CELSR1: variants seen among roughly 807,000 people sequenced by gnomAD.
CELSR1 encodes cadherin EGF LAG seven-pass G-type receptor 1.
In CELSR1, 110 loss-of-function variants were observed where a neutral mutation model predicts 249.1. That is an observed-to-expected ratio of 0.44 (90% CI 0.38 to 0.52). The LOEUF is 0.52. Ranked by LOEUF, CELSR1 falls within the 20% of genes least tolerant of loss-of-function variation. The probability of loss-of-function intolerance (pLI) is 0.00; values close to 1 mark genes in which losing one functional copy is unlikely to be tolerated. For missense variants in CELSR1, 4,109 were observed against 4,296.4 expected, an observed-to-expected ratio of 0.96 and a Z score of 1.22; for synonymous variants, 2,113 against 1,900.0, an observed-to-expected ratio of 1.11 and a Z score of -2.92.
In CELSR1 at chr22:46,396,219, C is replaced by T. The variant is rs562049161; in HGVS notation, c.5843+386G>A. 7.2e-5 allele frequency among the ~76,000 whole-genome samples: 11 copies of T among 152,124 alleles called. No homozygotes were observed. Among genetic ancestry groups the T allele is most frequent in the African/African-American group, 2.4e-4 (10 of 41,490 alleles). On this transcript the variant is annotated intron_variant, in intron 13 of 34. Coordinates refer to ENST00000674500, the MANE Select transcript of CELSR1 (RefSeq NM_001378328.1). The surrounding 1 kb of genome is among the most constrained non-coding windows in gnomAD (Gnocchi z 6.4). ...GTCAGGAGTTCGAGACCAGCCTGAC[C>T]AATATGGTGAAACTCCATTTCTACT...
chr22:46,461,046 G>A (rs767361712), intron 2 of CELSR1, among the ~76,000 whole-genome samples: 2 of 152,126 alleles, frequency 1.3e-5, no homozygotes, highest in Admixed American at 6.5e-5. Context: ...CCCCGAGCTC[G>A]GCTTACCAGG....
chr22:46,430,368 G>T lies in CELSR1; in HGVS notation c.4611+3025C>A, dbSNP rs1406399727. ...GGTAAATGGAGCGTGCTGGGGCAAG[G>T]ACACAGCTGGGCGGGGCAGGGGGGA... On this transcript the variant is annotated intron_variant, in intron 5 of 34. Transcript: ENST00000674500. The surrounding 1 kb of genome is among the most constrained non-coding windows in gnomAD (Gnocchi z 4.6). Among the ~76,000 whole-genome samples, 1 of 152,172 alleles carries T rather than the reference G, an allele frequency of 6.6e-6. No individual in the cohort carries two copies. The highest frequency in any genetic ancestry group is 1.5e-5 in the Non-Finnish European group (1 of 68,026).
At chr22:46,379,526 C>T (rs1302165418) in intron 22 of CELSR1, among the ~76,000 whole-genome samples, 6 of 152,230 alleles carry the variant, frequency 3.9e-5, no homozygotes, top group East Asian at 1.9e-4. Flanking sequence ...GACAGACAGC[C>T]GGGCCTGACG....
In CELSR1 at chr22:46,437,005, C is replaced by T. The variant is rs986057569; in HGVS notation, c.4407-716G>A. Among the ~76,000 whole-genome samples the T allele has an allele frequency of 4.6e-5, 7 of 152,142 alleles. No individual in the cohort carries two copies. The highest frequency in any genetic ancestry group is 2.1e-4 in the South Asian group (1 of 4,826). ...ATGTATGATCCATAAGGGGAGGAAC[C>T]GCAGCTCTCATTCCCTGCTGCATTC... On this transcript the variant is annotated intron_variant, in intron 3 of 34. Transcript: ENST00000674500. The surrounding 1 kb of genome is among the most constrained non-coding windows in gnomAD (Gnocchi z 4.9).
chr22:46,517,969 T>C lies in CELSR1; in HGVS notation c.3544+15658A>G, dbSNP rs1417591914. Among the ~76,000 whole-genome samples the C allele has an allele frequency of 6.6e-6, 1 of 151,800 alleles. No individual in the cohort carries two copies. The highest frequency in any genetic ancestry group is 1.9e-4 in the East Asian group (1 of 5,180). ...CCAGGCCAGAGTGCAATGGCAGGAT[T>C]TTGGCTCACTGCAACCTCTGCCTCC... On this transcript the variant is annotated intron_variant, in intron 1 of 34. Coordinates refer to ENST00000674500, the MANE Select transcript of CELSR1 (RefSeq NM_001378328.1). The surrounding 1 kb of genome is among the most constrained non-coding windows in gnomAD (Gnocchi z 5.4).
chr22:46,498,572 C>A (rs1382595096), intron 1 of CELSR1, among the ~76,000 whole-genome samples: 2 of 150,420 alleles, frequency 1.3e-5, no homozygotes, highest in African/African-American at 4.9e-5. Context: ...GAGATTGTCC[C>A]ACTCCACTGT....
chr22:46,482,349 T>C (rs2080274660), intron 1 of CELSR1, among the ~76,000 whole-genome samples: 1 of 152,034 alleles, frequency 6.6e-6, no homozygotes, highest in Admixed American at 6.6e-5. Context: ...CTGCTGGCCC[T>C]GAAGACAGAG....
At position 46,394,175 on chromosome 22, in the gene CELSR1, G is replaced by A; in HGVS notation, c.5931C>T (p.Asp1977=). 2.5e-6 allele frequency: 4 copies of A among 1,614,138 alleles called. No individual in the cohort carries two copies. The highest frequency in any genetic ancestry group is 1.1e-5 in the South Asian group (1 of 91,084). The change falls in exon 14 of 35, where the codon GAC becomes GAT. Residue 1977 remains aspartate, a synonymous_variant. Coordinates refer to ENST00000674500, the MANE Select transcript of CELSR1 (RefSeq NM_001378328.1). ...GGCACTGGCCGTTGGTCTTATTACAGTCGGGATCAAAGCCTTTGCTGACGG... is the reference window on the plus strand; with the variant it reads ...GGCACTGGCCGTTGGTCTTATTACAATCGGGATCAAAGCCTTTGCTGACGG... ...HCAVSKGFDP[D]CNKTNGQCQC...
chr22:46,490,642 G>T lies in CELSR1; in HGVS notation c.3545-26297C>A, dbSNP rs930660727. Among the ~76,000 whole-genome samples, 2 of 151,860 alleles carry T rather than the reference G, an allele frequency of 1.3e-5. No homozygotes were observed. Among genetic ancestry groups the T allele is most frequent in the African/African-American group, 4.8e-5 (2 of 41,322 alleles). On this transcript the variant is annotated intron_variant, in intron 1 of 34. Coordinates refer to ENST00000674500, the MANE Select transcript of CELSR1 (RefSeq NM_001378328.1). This position sits in a 1 kb window ranked among gnomAD's most constrained non-coding sequence, Gnocchi z 5.2. ...GTGAGCGTCGTGGAGCCTCCCTCAG[G>T]CATGGCTGTGAGCGCCACAGCTGCA...
At chr22:46,483,051 C>G (rs1207198590) in intron 1 of CELSR1, among the ~76,000 whole-genome samples, 3 of 152,186 alleles carry the variant, frequency 2.0e-5, no homozygotes, top group Non-Finnish European at 1.5e-5. Flanking sequence ...GGATCCCTAC[C>G]TCACACCAAG....
chr22:46,395,963 G>A lies in CELSR1; in HGVS notation c.5843+642C>T, dbSNP rs762589544. 3.3e-5 allele frequency among the ~76,000 whole-genome samples: 5 copies of A among 152,148 alleles called. No individual in the cohort carries two copies. The highest frequency in any genetic ancestry group is 7.3e-5 in the Non-Finnish European group (5 of 68,040). On this transcript the variant is annotated intron_variant, in intron 13 of 34. Transcript: ENST00000674500. The surrounding 1 kb of genome is among the most constrained non-coding windows in gnomAD (Gnocchi z 5.5). ...GAAATGACTTCAAGCCCAGCGACTCGACAGAGAAAGCATTCTCTGTAAACC... is the reference window on the plus strand; with the variant it reads ...GAAATGACTTCAAGCCCAGCGACTCAACAGAGAAAGCATTCTCTGTAAACC...
Position 46,534,033 on chromosome 22 carries a change from G to A in CELSR1, c.3138C>T (p.Phe1046=). The A allele has an allele frequency of 1.9e-6, 3 of 1,613,756 alleles. No individual in the cohort carries two copies. Among genetic ancestry groups the A allele is most frequent in the Non-Finnish European group, 1.7e-6 (2 of 1,180,028 alleles). ...CCCCGTTGAGCAGGTCCAGCTGGAA[G>A]AAATGCCGCATGTCCCCTTCCACAA... ...YQIVEGDMRH[F]FQLDLLNGDL... The change falls in exon 1 of 35, where the codon TTC becomes TTT. Residue 1046 remains phenylalanine, a synonymous_variant. Transcript: ENST00000674500. This position sits in a 1 kb window ranked among gnomAD's most constrained non-coding sequence, Gnocchi z 9.7.
chr22:46,442,408 C>T (rs117419998), intron 2 of CELSR1, among the ~76,000 whole-genome samples: 2,007 of 152,342 alleles, frequency 0.013, 15 homozygotes, highest in Non-Finnish European at 0.02. Context: ...GCCATCCCAG[C>T]TCTGCAGCAC....
intron 2 of CELSR1, among the ~76,000 whole-genome samples, chr22:46,443,668 C>G (rs915917874): frequency 1.3e-5 from 2 of 152,230 alleles, no homozygotes; most frequent in African/African-American, 4.8e-5. Flanking sequence ...TTCACACACA[C>G]ACACATACAT....
In CELSR1 at chr22:46,398,554, G is replaced by A. The variant is rs772486012; in HGVS notation, c.5496C>T (p.Ser1832=). ...TGCAGCCTCGGAATCCACGGCGCAC[G>A]GAGACCTTGTCTTCAGAGGCGCCTC... The part of the protein sequence containing the change: ...VVGGASEDKV[S]VRRGFRGCMQ... Residue 1832 remains serine, a synonymous_variant, in exon 11 of 35, where the codon TCC becomes TCT. Coordinates refer to ENST00000674500, the MANE Select transcript of CELSR1 (RefSeq NM_001378328.1). This position sits in a 1 kb window ranked among gnomAD's most constrained non-coding sequence, Gnocchi z 7.2. 7.0e-5 allele frequency: 113 copies of A among 1,612,324 alleles called. No homozygotes were observed. The East Asian group carries it at 1.4e-3, about 20-fold the overall frequency.
At chr22:46,523,564 T>TAAATAAATAAATAAAATAAAAA in intron 1 of CELSR1, among the ~76,000 whole-genome samples, 1 of 116,852 alleles carries the variant, frequency 8.6e-6, no homozygotes, top group African/African-American at 4.3e-5. Flanking sequence ...ATAAATAAAA[T>TAAATAAATAAATAAAATAAAAA]AAAAAGAAAG....
chr22:46,418,972 G>T (rs2079434817), intron 5 of CELSR1, among the ~76,000 whole-genome samples: 1 of 152,238 alleles, frequency 6.6e-6, no homozygotes, highest in South Asian at 2.1e-4. Context: ...TGCGTGTTCA[G>T]CACTGGACGG....
chr22:46,416,107 G>A (rs994203207), intron 5 of CELSR1, among the ~76,000 whole-genome samples: 1 of 142,954 alleles, frequency 7.0e-6, no homozygotes, highest in Non-Finnish European at 1.6e-5. Flanking sequence ...GGTTGCAGAG[G>A]GGGGCGGATA....
chr22:46,508,094 G>A (rs1353789986), intron 1 of CELSR1, among the ~76,000 whole-genome samples: 1 of 152,078 alleles, frequency 6.6e-6, no homozygotes, highest in Non-Finnish European at 1.5e-5. Context: ...CCATAAACCG[G>A]CACAGCCTGT....
Sources: gnomAD v4.1 joint callset for allele counts (sites outside exome capture counted in the v4.1 genomes callset) on GRCh38, gnomAD v4.1.1 for gene constraint, Gnocchi (gnomAD v3.1) non-coding constraint, MANE v1.5 for transcripts, NCBI Gene and HGNC (gene_info 2026-07-23, HGNC 2026-07-21) for gene names.